SLC7A10: variants seen among roughly 807,000 people sequenced by gnomAD.
SLC7A10 encodes the protein asc-type amino acid transporter 1.
In SLC7A10, 30 loss-of-function variants were observed where a neutral mutation model predicts 52.7. The ratio of observed to expected loss-of-function variants is 0.57; its 90% CI spans 0.43 to 0.77. The LOEUF is 0.77. Ranked by LOEUF, SLC7A10 falls within the 30% of genes least tolerant of loss-of-function variation. The pLI is 0.00. For synonymous variants in SLC7A10, 318 were observed against 314.9 expected (o/e 1.01, Z -0.10); for missense variants, 581 against 698.5 (o/e 0.83, Z 1.90).
At chr19:33,225,453 G>A in intron 1 of SLC7A10, 100 bp downstream of exon 1, 3 of 1,435,152 alleles carry the variant, frequency 2.1e-6, no homozygotes, top group African/African-American at 1.4e-5. Context: ...TCCCCAGGCA[G>A]ACCCGTCCGA....
At position 33,212,520 on chromosome 19, in the gene SLC7A10, A is replaced by C; in HGVS notation, c.628T>G (p.Phe210Val). The C allele has an allele frequency of 6.2e-7, 1 of 1,614,014 alleles. No homozygotes were observed. Among genetic ancestry groups the C allele is most frequent in the Non-Finnish European group, 8.5e-7 (1 of 1,180,046 alleles). The change falls in exon 4 of 11, where the codon TTC (phenylalanine) becomes GTC (valine). Residue 210 changes from phenylalanine (F) to valine (V), a missense_variant. By Grantham distance (50) the Phe-to-Val change is conservative. Coordinates refer to ENST00000253188, the MANE Select transcript of SLC7A10 (RefSeq NM_019849.3). ...TACCCCGACTCGGCCCTACCTTGGA[A>C]GATCTGGAGAAGGCCCACGCCGATG... ...LIIGVGLLQI[F>V]QGHFEELRPS...
intron 3 of SLC7A10, 80 bp from the exon 4 acceptor site, chr19:33,212,719 C>A (rs555341323): frequency 6.2e-7 from 1 of 1,610,996 alleles, no homozygotes; most frequent in African/African-American, 1.3e-5. Context: ...CCAGGCGGCC[C>A]GAGAATGGCA....
chr19:33,208,838 C>T lies in SLC7A10; in HGVS notation c.*53G>A, dbSNP rs940338072. 2.2e-5 allele frequency: 35 copies of T among 1,612,578 alleles called. No individual in the cohort carries two copies. The highest frequency in any genetic ancestry group is 2.6e-5 in the Non-Finnish European group (31 of 1,179,280). On this transcript the variant is annotated 3_prime_UTR_variant, in exon 11 of 11. Transcript: ENST00000253188. The surrounding 1 kb of genome is among the most constrained non-coding windows in gnomAD (Gnocchi z 4.7). ...ACAAAACTTTTTTGCCAAAACACCT[C>T]CTCAATAAACAACATGTAAACAGAA... is the stretch of plus-strand genomic sequence containing the variant.
At chr19:33,216,116 T>A in intron 1 of SLC7A10, 143 bp from the exon 2 acceptor site, 1 of 705,580 alleles carries the variant, frequency 1.4e-6, no homozygotes, top group Non-Finnish European at 2.3e-6. Flanking sequence ...GGGCTGGAGG[T>A]GTTGAATGCC....
intron 1 of SLC7A10, among the ~76,000 whole-genome samples, chr19:33,222,242 T>A (rs2145493409): frequency 6.6e-6 from 1 of 151,594 alleles, no homozygotes; most frequent in East Asian, 1.9e-4. Flanking sequence ...CTACAAAAAA[T>A]ACAAAAATTA....
intron 9 of SLC7A10, among the ~76,000 whole-genome samples, chr19:33,209,942 A>AG (rs1974504944): frequency 1.0e-5 from 1 of 96,190 alleles, no homozygotes; most frequent in Non-Finnish European, 2.7e-5. Context: ...CATTTTCTTT[A>AG]ATTTTTTTTT....
At chr19:33,215,631 C>CACCCCCACACCTTCTCTCCATCCAG (rs1258084509) in intron 2 of SLC7A10, 138 bp downstream of exon 2, 2 of 443,586 alleles carry the variant, frequency 4.5e-6, no homozygotes, top group East Asian at 5.3e-5. Context: ...TCTCCATCCA[C>CACCCCCACACCTTCTCTCCATCCAG]CCCCCACACC....
Position 33,209,480 on chromosome 19 carries a change from G to T in SLC7A10, c.1269C>A (p.Asn423Lys). Residue 423 changes from asparagine to lysine, a missense_variant, in exon 10 of 11, where the codon AAC (asparagine) becomes AAA (lysine). Physicochemically the swap from Asn to Lys is moderately conservative, Grantham distance 94. Coordinates refer to ENST00000253188, the MANE Select transcript of SLC7A10 (RefSeq NM_019849.3). Reference sequence around the variant, plus strand: ...CCAAGTACGCCACGGGGATGAGAAGGTTCACCTGGGGAAGGGGGAGCAGAA... The same window carrying T: ...CCAAGTACGCCACGGGGATGAGAAGTTTCACCTGGGGAAGGGGGAGCAGAA... Reference protein sequence around the residue: ...RPALHRPIKVNLLIPVAYLVF... With the variant: ...RPALHRPIKVKLLIPVAYLVF... The T allele has an allele frequency of 6.2e-7, 1 of 1,613,816 alleles. No individual in the cohort carries two copies. The highest frequency in any genetic ancestry group is 8.5e-7 in the Non-Finnish European group (1 of 1,179,958).
Position 33,212,516 on chromosome 19 carries a change from T to C in SLC7A10, c.632A>G (p.Gln211Arg), listed in dbSNP as rs1974577898. ...CCCTTACCCCGACTCGGCCCTACCT[T>C]GGAAGATCTGGAGAAGGCCCACGCC... ...IIGVGLLQIFQGHFEELRPSN... is the reference protein window; with the variant it reads ...IIGVGLLQIFRGHFEELRPSN... Residue 211 changes from glutamine to arginine, a missense_variant and splice_region_variant, in exon 4 of 11, where the codon CAA (glutamine) becomes CGA (arginine). By Grantham distance (43) the Gln-to-Arg change is conservative. Coordinates refer to ENST00000253188, the MANE Select transcript of SLC7A10 (RefSeq NM_019849.3). 1 of 1,613,818 alleles carries C rather than the reference T, an allele frequency of 6.2e-7. No individual in the cohort carries two copies. Among genetic ancestry groups the C allele is most frequent in the Non-Finnish European group, 8.5e-7 (1 of 1,180,044 alleles).
At chr19:33,212,697 GCCAAGTCCAGC>G (rs1974582482) in intron 3 of SLC7A10, 58 bp from the exon 4 acceptor site, 6 of 1,612,422 alleles carry the variant, frequency 3.7e-6, no homozygotes, top group Non-Finnish European at 5.1e-6. Context: ...GTGGACCATG[GCCAAGTCCAGC>G]CCAGGCGGCC....
intron 1 of SLC7A10, 57 bp downstream of exon 1, chr19:33,225,496 C>G (rs1222168686): frequency 6.3e-7 from 1 of 1,578,754 alleles, no homozygotes; most frequent in Non-Finnish European, 8.6e-7. Flanking sequence ...TCGTTCGGAG[C>G]GGCTGCGCCC....
At chr19:33,223,681 C>A (rs1445409440) in intron 1 of SLC7A10, among the ~76,000 whole-genome samples, 1 of 152,160 alleles carries the variant, frequency 6.6e-6, no homozygotes, top group African/African-American at 2.4e-5. Context: ...CAAGGCTCCC[C>A]AAGACCACCA....
intron 2 of SLC7A10, 100 bp downstream of exon 2, chr19:33,215,669 C>T: frequency 7.9e-7 from 1 of 1,270,172 alleles, no homozygotes; most frequent in African/African-American, 1.7e-5. Context: ...CACGACCTCC[C>T]TAGGAAGCCG....
At position 33,210,681 on chromosome 19, in the gene SLC7A10, G is replaced by C; in HGVS notation, c.1114-65C>G. ...GCCTCCTGACGCCCCTGCAGGATGAGCCCTGGCCCCACCCCCAACCCCCAC... is the reference window on the plus strand; with the variant it reads ...GCCTCCTGACGCCCCTGCAGGATGACCCCTGGCCCCACCCCCAACCCCCAC... On this transcript the variant is annotated intron_variant, in intron 8 of 10. Transcript: ENST00000253188. The surrounding 1 kb of genome is among the most constrained non-coding windows in gnomAD (Gnocchi z 5.6). 1 of 1,608,684 alleles carries C rather than the reference G, an allele frequency of 6.2e-7. No homozygotes were observed. Among genetic ancestry groups the C allele is most frequent in the Non-Finnish European group, 8.5e-7 (1 of 1,178,860 alleles).
In SLC7A10 at chr19:33,210,613, C is replaced by T. The variant is rs1032035079; in HGVS notation, c.1117G>A (p.Gly373Arg). 10 of 1,611,346 alleles carry T rather than the reference C, an allele frequency of 6.2e-6. No individual in the cohort carries two copies. The highest frequency in any genetic ancestry group is 1.3e-5 in the African/African-American group (1 of 74,932). Residue 373 changes from glycine (G) to arginine (R), a missense_variant, in exon 9 of 11, where the codon GGG becomes AGG. Gly to Arg is a moderately radical substitution (Grantham distance 125). Coordinates refer to ENST00000253188, the MANE Select transcript of SLC7A10 (RefSeq NM_019849.3). This position sits in a 1 kb window ranked among gnomAD's most constrained non-coding sequence, Gnocchi z 5.6. ...ACGAGCATGATGACGGCTGTGGCCC[C>T]GCACTGGGAGAGGACCTGGGGCTGA... is the stretch of plus-strand genomic sequence containing the variant. ...TPIPALLVCCGATAVIMLVGD... is the reference protein window; with the variant it reads ...TPIPALLVCCRATAVIMLVGD...
In SLC7A10 at chr19:33,210,649, C is replaced by G; in HGVS notation, c.1114-33G>C. The G allele has an allele frequency of 6.2e-7, 1 of 1,610,034 alleles. No homozygotes were observed. Among genetic ancestry groups the G allele is most frequent in the Non-Finnish European group, 8.5e-7 (1 of 1,179,854 alleles). ...AGGACCTGGGGCTGACGGCTGGCCC[C>G]TAGCCTGCCTCCTGACGCCCCTGCA... On this transcript the variant is annotated intron_variant, in intron 8 of 10. Coordinates refer to ENST00000253188, the MANE Select transcript of SLC7A10 (RefSeq NM_019849.3). The surrounding 1 kb of genome is among the most constrained non-coding windows in gnomAD (Gnocchi z 5.6).
chr19:33,210,732 AC>A lies in SLC7A10; in HGVS notation c.1113+69del, dbSNP rs1262962675. ...CCTGGAATGGCTCACCCCTGCCATT[AC>A]CCGGAAGGTCCTGCATTGCCGGGTA... On this transcript the variant is annotated intron_variant, in intron 8 of 10. Coordinates refer to ENST00000253188, the MANE Select transcript of SLC7A10 (RefSeq NM_019849.3). The surrounding 1 kb of genome is among the most constrained non-coding windows in gnomAD (Gnocchi z 5.6). 7 of 1,605,698 alleles carry A rather than the reference AC, an allele frequency of 4.4e-6. No homozygotes were observed. The African/African-American group carries it at 8.0e-5, about 18-fold the overall frequency.
intron 1 of SLC7A10, among the ~76,000 whole-genome samples, chr19:33,219,613 C>G (rs1177307511): frequency 1.3e-5 from 2 of 152,244 alleles, no homozygotes; most frequent in Non-Finnish European, 2.9e-5. Flanking sequence ...GGTGGGGCCA[C>G]TGGGCTAGGG....
Position 33,215,986 on chromosome 19 carries a change from A to G in SLC7A10, c.152-13T>C, listed in dbSNP as rs1226917028. ...CCGATGATGTTCCCTGCAGGGGGAG[A>G]GATGGGGAGGCATCAGGCCTGGGGT... On this transcript the variant is annotated splice_polypyrimidine_tract_variant and intron_variant, in intron 1 of 10. Coordinates refer to ENST00000253188, the MANE Select transcript of SLC7A10 (RefSeq NM_019849.3). 2.5e-6 allele frequency: 4 copies of G among 1,569,278 alleles called. No homozygotes were observed. The African/African-American group carries it at 5.4e-5, about 21-fold the overall frequency.
Sources: gnomAD v4.1 joint callset for allele counts (sites outside exome capture counted in the v4.1 genomes callset) on GRCh38, gnomAD v4.1.1 for gene constraint, Gnocchi (gnomAD v3.1) non-coding constraint, MANE v1.5 for transcripts, NCBI Gene and HGNC (gene_info 2026-07-23, HGNC 2026-07-21) for gene names.